RFWD3: variants seen among roughly 807,000 people sequenced by gnomAD.
The protein encoded by RFWD3 is ring finger and WD repeat domain 3.
RFWD3 carries 65 observed loss-of-function variants against 87.7 expected under a neutral mutation model. That is an observed-to-expected ratio of 0.74 (90% CI 0.61 to 0.91). RFWD3 has a LOEUF of 0.91. Ranked by LOEUF, RFWD3 falls within the 40% of genes least tolerant of loss-of-function variation. RFWD3 has a pLI of 0.00. For synonymous variants in RFWD3, 433 were observed against 352.8 expected (o/e 1.23, Z -2.55); for missense variants, 1,078 against 938.5 (o/e 1.15, Z -1.94).
chr16:74,623,719 A>C lies in RFWD3; in HGVS notation c.*209T>G, dbSNP rs1761110222. On this transcript the variant is annotated 3_prime_UTR_variant, in exon 13 of 13. Transcript: ENST00000361070. ...AAGAAATGGATAATGTAGATAAAGT[A>C]CCCATCAATTACTCTTTTAGTGGAC... 3.9e-6 allele frequency: 2 copies of C among 515,548 alleles called. No homozygotes were observed. Among genetic ancestry groups the C allele is most frequent in the Admixed American group, 3.6e-5 (1 of 27,694 alleles). The allele number at this position is 515,548 out of a possible 1,614,324, so 31.9% of individuals were successfully genotyped here.
intron 8 of RFWD3, among the ~76,000 whole-genome samples, chr16:74,634,900 C>T (rs532873924): frequency 5.0e-4 from 76 of 151,970 alleles, no homozygotes; most frequent in African/African-American, 1.7e-3. Context: ...CCAGTACTTT[C>T]GGAGGCTGAG....
intron 8 of RFWD3, among the ~76,000 whole-genome samples, chr16:74,634,382 A>T (rs907594671): frequency 5.6e-4 from 84 of 149,692 alleles, no homozygotes; most frequent in African/African-American, 2.0e-3. Context: ...AGTACTTTAT[A>T]TATATATATA....
At position 74,660,944 on chromosome 16, in the gene RFWD3, G is replaced by C. The variant is rs760743044; in HGVS notation, c.506C>G (p.Thr169Arg). The part of the protein sequence containing the change: ...RRARAGGSQR[T>R]DSARLRAPLD... ...TATATTTATTTACCTGGCACTGTCT[G>C]TCCTCTGAGACCCTCCGGCTCTTGC... Residue 169 changes from threonine to arginine, a missense_variant, in exon 2 of 13, where the codon ACA becomes AGA. Transcript: ENST00000361070. 5.6e-6 allele frequency: 9 copies of C among 1,612,878 alleles called. No individual in the cohort carries two copies. Among genetic ancestry groups the C allele is most frequent in the South Asian group, 5.5e-5 (5 of 91,062 alleles).
At chr16:74,653,674 G>T (rs1378010005) in intron 2 of RFWD3, among the ~76,000 whole-genome samples, 1 of 151,838 alleles carries the variant, frequency 6.6e-6, no homozygotes, top group Non-Finnish European at 1.5e-5. Context: ...AAACAAAAGG[G>T]CAACTAAGTA....
At chr16:74,663,227 T>C (rs567066251) in intron 1 of RFWD3, among the ~76,000 whole-genome samples, 11 of 152,078 alleles carry the variant, frequency 7.2e-5, no homozygotes, top group Non-Finnish European at 1.6e-4. Context: ...CTTAAAATCA[T>C]CAAAGCAGAT....
chr16:74,646,407 A>C (rs1359789018), intron 4 of RFWD3, among the ~76,000 whole-genome samples: 1 of 152,202 alleles, frequency 6.6e-6, no homozygotes, highest in Non-Finnish European at 1.5e-5. Context: ...ATTTATATAA[A>C]GAAAAAAAAT....
intron 6 of RFWD3, among the ~76,000 whole-genome samples, chr16:74,642,294 T>C (rs560881226): frequency 1.6e-4 from 24 of 152,068 alleles, no homozygotes; most frequent in Non-Finnish European, 2.1e-4. Context: ...GGATAATTTT[T>C]TGTATTTTTA....
Position 74,626,329 on chromosome 16 carries a change from A to C in RFWD3, c.2181+14T>G, listed in dbSNP as rs1567564587. 1 of 1,607,046 alleles carries C rather than the reference A, an allele frequency of 6.2e-7. No individual in the cohort carries two copies. The highest frequency in any genetic ancestry group is 2.2e-5 in the East Asian group (1 of 44,766). On this transcript the variant is annotated intron_variant, in intron 12 of 12. Coordinates refer to ENST00000361070, the MANE Select transcript of RFWD3 (RefSeq NM_018124.4). Reference sequence around the variant, plus strand: ...ACTACTTTTTATATGAAAGTAAAAAAGTAACAGGCTCACCAGGGCAGAATT... The same window carrying C: ...ACTACTTTTTATATGAAAGTAAAAACGTAACAGGCTCACCAGGGCAGAATT...
Position 74,628,435 on chromosome 16 carries a change from A to C in RFWD3, c.1969+17T>G, listed in dbSNP as rs1365470461. ...TGTGCTCCCAAATAAGCTATGGGAG[A>C]CCCCAGCACTACTTACCAGGCCTGT... On this transcript the variant is annotated intron_variant, in intron 11 of 12. Transcript: ENST00000361070. 6.2e-7 allele frequency: 1 copy of C among 1,610,832 alleles called. No homozygotes were observed. Among genetic ancestry groups the C allele is most frequent in the Non-Finnish European group, 8.5e-7 (1 of 1,177,572 alleles).
Position 74,623,890 on chromosome 16 carries a change from C to T in RFWD3, c.*38G>A. 2 of 1,609,802 alleles carry T rather than the reference C, an allele frequency of 1.2e-6. No homozygotes were observed. Among genetic ancestry groups the T allele is most frequent in the African/African-American group, 2.7e-5 (2 of 74,950 alleles). On this transcript the variant is annotated 3_prime_UTR_variant, in exon 13 of 13. Transcript: ENST00000361070. Reference sequence around the variant, plus strand: ...GCTGCTAGGCGCTAGCAAACAACATCTAACCAGCAGCATGCCTTCAAGGTT... The same window carrying T: ...GCTGCTAGGCGCTAGCAAACAACATTTAACCAGCAGCATGCCTTCAAGGTT...
chr16:74,665,929 C>T (rs1201481687), intron 1 of RFWD3, among the ~76,000 whole-genome samples: 2 of 152,024 alleles, frequency 1.3e-5, no homozygotes, highest in African/African-American at 2.4e-5. Flanking sequence ...AACTCCTGGC[C>T]TCAGGTGATC....
chr16:74,626,949 A>C (rs1239252090), intron 11 of RFWD3, among the ~76,000 whole-genome samples: 1 of 152,306 alleles, frequency 6.6e-6, no homozygotes, highest in Non-Finnish European at 1.5e-5. Flanking sequence ...CTGGGACTGC[A>C]CATTTTTATA....
rs76155630 is a variant in RFWD3, at chr16:74,649,149, T to C, written c.775A>G (p.Lys259Glu). ...EQEVTCIDGG[K>E]TLPKQPSPQK... ...CATATTACCTGTTTGGGGAGGGTCT[T>C]GCCTCCATCGATACATGTAACTTCT... Residue 259 changes from lysine to glutamate, a missense_variant, in exon 4 of 13, where the codon AAG becomes GAG. Coordinates refer to ENST00000361070, the MANE Select transcript of RFWD3 (RefSeq NM_018124.4). 2,427 of 1,572,094 alleles carry C rather than the reference T, an allele frequency of 1.5e-3. 39 individuals carry two copies. In the African/African-American group the frequency reaches 0.03, roughly 19 times the overall value.
chr16:74,663,441 G>A (rs765843634), intron 1 of RFWD3, among the ~76,000 whole-genome samples: 5 of 152,190 alleles, frequency 3.3e-5, no homozygotes, highest in Non-Finnish European at 5.9e-5. Flanking sequence ...AAGAACGGCC[G>A]CTAGATTTGG....
chr16:74,660,858 C>T, intron 2 of RFWD3, 74 bp downstream of exon 2: 1 of 1,509,670 alleles, frequency 6.6e-7, no homozygotes, highest in Non-Finnish European at 8.9e-7. Context: ...ACTGTCAGTC[C>T]TTGAATGGCA....
At chr16:74,650,398 T>G (rs534862691) in intron 3 of RFWD3, among the ~76,000 whole-genome samples, 1 of 151,278 alleles carries the variant, frequency 6.6e-6, no homozygotes, top group Non-Finnish European at 1.5e-5. Flanking sequence ...GGTGTGTGTG[T>G]GTATACAGTA....
chr16:74,644,880 T>A (rs1290545565), intron 4 of RFWD3, 145 bp from the exon 5 acceptor site: 2 of 665,896 alleles, frequency 3.0e-6, no homozygotes, highest in East Asian at 5.5e-5. Flanking sequence ...TATGAATCAC[T>A]TGTCATTCTT....
In RFWD3 at chr16:74,643,912, T is replaced by C. The variant is rs1019413109; in HGVS notation, c.1079+450A>G. Reference sequence around the variant, plus strand: ...CAGGATGGTCTTGATCTCCTGACCTTGTGATCTGCCCACCTTGGCCTCCCA... The same window carrying C: ...CAGGATGGTCTTGATCTCCTGACCTCGTGATCTGCCCACCTTGGCCTCCCA... On this transcript the variant is annotated intron_variant, in intron 6 of 12. Coordinates refer to ENST00000361070, the MANE Select transcript of RFWD3 (RefSeq NM_018124.4). 22 of 202,496 alleles carry C rather than the reference T, an allele frequency of 1.1e-4. 1 individual carries two copies. Among genetic ancestry groups the C allele is most frequent in the East Asian group, 8.7e-4 (8 of 9,146 alleles). The allele number at this position is 202,496 out of a possible 1,614,324, so 12.5% of individuals were successfully genotyped here.
At chr16:74,636,276 C>T (rs2144115043) in intron 8 of RFWD3, 70 bp downstream of exon 8, 1 of 1,427,728 alleles carries the variant, frequency 7.0e-7, no homozygotes. Context: ...CTTGAATTTT[C>T]CAAAAGGCAA....
Sources: gnomAD v4.1 joint callset for allele counts (sites outside exome capture counted in the v4.1 genomes callset) on GRCh38, gnomAD v4.1.1 for gene constraint, MANE v1.5 for transcripts, NCBI Gene and HGNC (gene_info 2026-07-23, HGNC 2026-07-21) for gene names.